The following IGFN1 variants were observed in gnomAD, a reference collection of about 807,000 sequenced individuals.
The protein encoded by IGFN1 is immunoglobulin like and fibronectin type III domain containing 1.
A neutral mutation model predicts 289.5 loss-of-function variants in IGFN1; 253 were observed. The ratio of observed to expected loss-of-function variants is 0.87; its 90% CI spans 0.79 to 0.97. The LOEUF (loss-of-function observed/expected upper bound fraction) is 0.97. Ranked by LOEUF, IGFN1 falls within the 50% of genes least tolerant of loss-of-function variation. The pLI, the probability that IGFN1 is intolerant of heterozygous loss-of-function variation, is 0.00. For missense variants in IGFN1, 4,470 were observed against 4,686.1 expected, an observed-to-expected ratio of 0.95 and a Z score of 1.35; for synonymous variants, 1,706 against 1,788.5, an observed-to-expected ratio of 0.95 and a Z score of 1.16.
At chr1:201,221,046 G>A (rs2102365550) in intron 18 of IGFN1, among the ~76,000 whole-genome samples, 1 of 152,330 alleles carries the variant, frequency 6.6e-6, no homozygotes, top group South Asian at 2.1e-4. Context: ...AGAAGGCAGA[G>A]TCGTGACTCT....
intron 19 of IGFN1, 77 bp downstream of exon 19, chr1:201,221,823 C>T (rs1445045446): frequency 1.2e-5 from 15 of 1,285,550 alleles, no homozygotes; most frequent in South Asian, 4.4e-5. Flanking sequence ...AGCCGCAATG[C>T]ACTTACTAAG....
At chr1:201,216,074 C>T (rs1206198641) in intron 15 of IGFN1, 3 of 708,256 alleles carry the variant, frequency 4.2e-6, no homozygotes, top group East Asian at 2.7e-5. Context: ...CTTCTCTGAC[C>T]CCAATACACT....
At chr1:201,214,717 G>C (rs1021692513) in intron 13 of IGFN1, among the ~76,000 whole-genome samples, 1 of 152,200 alleles carries the variant, frequency 6.6e-6, no homozygotes, top group Admixed American at 6.5e-5. Context: ...CTCAGTATCA[G>C]CTAAGTCTGG....
At position 201,195,883 on chromosome 1, in the gene IGFN1, C is replaced by A. The variant is rs896855424; in HGVS notation, c.172C>A (p.Pro58Thr). 29 of 1,551,592 alleles carry A rather than the reference C, an allele frequency of 1.9e-5. No individual in the cohort carries two copies. Among genetic ancestry groups the A allele is most frequent in the Non-Finnish European group, 2.4e-5 (27 of 1,146,986 alleles). ...FRAVVCGEPR[P>T]EVRWQNSKGD... ...GGCTGTGGTCTGTGGGGAGCCCAGG[C>A]CCGAGGTGCGTTGGCAGAACTCCAA... The change falls in exon 4 of 24, where the codon CCC becomes ACC. Residue 58 changes from proline to threonine, a missense_variant. By Grantham distance (38) the Pro-to-Thr change is conservative. Around this residue, in one of 8 missense-constraint regions of IGFN1, gnomAD observed 2,011 missense variants for 1,953.4 expected, o/e 1.03. Coordinates refer to ENST00000335211, the MANE Select transcript of IGFN1 (RefSeq NM_001164586.2).
intron 10 of IGFN1, among the ~76,000 whole-genome samples, chr1:201,204,215 A>C (rs1667295282): frequency 6.6e-6 from 1 of 152,216 alleles, no homozygotes; most frequent in Non-Finnish European, 1.5e-5. Flanking sequence ...GATCCAGACT[A>C]ATTGCACAGC....
At chr1:201,224,565 C>T (rs1653955487) in intron 20 of IGFN1, 114 bp from the exon 21 acceptor site, 4 of 793,130 alleles carry the variant, frequency 5.0e-6, no homozygotes, top group Admixed American at 2.8e-5. Context: ...GGTCGACTTT[C>T]TCCTTGTAGA....
At chr1:201,193,643 G>T (rs1039008740) in intron 2 of IGFN1, among the ~76,000 whole-genome samples, 9 of 152,132 alleles carry the variant, frequency 5.9e-5, no homozygotes, top group Admixed American at 2.0e-4. Flanking sequence ...GTAAAGGTGG[G>T]GTTTCACCAT....
At chr1:201,192,339 T>C (rs960512689) in intron 1 of IGFN1, among the ~76,000 whole-genome samples, 26 of 152,222 alleles carry the variant, frequency 1.7e-4, no homozygotes, top group African/African-American at 5.8e-4. Flanking sequence ...CGCTTGGCCA[T>C]GGGCCAATCG....
chr1:201,209,341 G>C lies in IGFN1; in HGVS notation c.4448G>C (p.Arg1483Thr). The C allele has an allele frequency of 6.7e-7, 1 of 1,487,028 alleles. No homozygotes were observed. The highest frequency in any genetic ancestry group is 1.4e-5 in the African/African-American group (1 of 71,062). The allele number at this position is 1,487,028 out of a possible 1,614,324, so 92.1% of individuals were successfully genotyped here. ...AAGGCAGGTTACAGGGGTGGTTTAA[G>C]GGGTTCTGGGGAAATGGGGTTAATT... ...GSKAGYRGGL[R>T]GSGEMGLIEA... is the part of the protein sequence containing the mutation. The change falls in exon 12 of 24, where the codon AGG becomes ACG. Residue 1483 changes from arginine to threonine, a missense_variant. By Grantham distance (71) the Arg-to-Thr change is moderately conservative (BLOSUM62 -1). This residue lies in a region of IGFN1 where 2,011 missense variants were observed against 1,953.4 expected (regional missense o/e 1.03). Transcript: ENST00000335211.
intron 5 of IGFN1, 125 bp downstream of exon 5, chr1:201,197,442 T>G: frequency 3.0e-6 from 2 of 663,214 alleles, no homozygotes; most frequent in Non-Finnish European, 2.7e-6. Flanking sequence ...CTGCTGCCGC[T>G]GCTGCAGCCC....
At chr1:201,214,452 C>A in intron 13 of IGFN1, 151 bp downstream of exon 13, 1 of 782,772 alleles carries the variant, frequency 1.3e-6, no homozygotes, top group Non-Finnish European at 2.0e-6. Flanking sequence ...TAGCCAATAA[C>A]TTGGTGTGTT....
At position 201,207,710 on chromosome 1, in the gene IGFN1, A is replaced by C; in HGVS notation, c.2817A>C (p.Thr939=). ...SSRVKGPRGE[T]GYKDGLEGPG... The stretch of plus-strand genomic sequence containing the variant: ...GAGTAAAAGGACCCAGAGGTGAGAC[A>C]GGCTATAAGGATGGCTTGGAAGGTC... The change falls in exon 12 of 24, where the codon ACA becomes ACC. Residue 939 remains threonine, a synonymous_variant. Transcript: ENST00000335211. The C allele has an allele frequency of 6.5e-7, 1 of 1,537,124 alleles. No individual in the cohort carries two copies. The highest frequency in any genetic ancestry group is 2.4e-5 in the East Asian group (1 of 40,914).
chr1:201,200,337 G>A lies in IGFN1; in HGVS notation c.559G>A (p.Gly187Ser), dbSNP rs1667097155. The change falls in exon 8 of 24, where the codon GGC becomes AGC. Residue 187 changes from glycine (G) to serine (S), a missense_variant. By Grantham distance (56) the Gly-to-Ser change is moderately conservative (BLOSUM62 0). Around this residue, in one of 8 missense-constraint regions of IGFN1, gnomAD observed 2,011 missense variants for 1,953.4 expected, o/e 1.03. Transcript: ENST00000335211. ...CTACGAGAAGATCTGCTTGAAGTAT[G>A]GCATCGTCGACTACCGTGGCATGTT... The part of the protein sequence containing the change: ...KDYEKICLKY[G>S]IVDYRGMLRR... 3 of 1,551,624 alleles carry A rather than the reference G, an allele frequency of 1.9e-6. No individual in the cohort carries two copies. The highest frequency in any genetic ancestry group is 1.4e-5 in the African/African-American group (1 of 73,042).
chr1:201,215,132 C>T lies in IGFN1; in HGVS notation c.8973C>T (p.Ser2991=), dbSNP rs745578512. ...RYTFVAGDQQ[S]EATLTVQDSP... ...CCTTTGTAGCTGGTGACCAGCAGAGCGAGGCCACCCTGACCGTCCAGGGTA... is the reference window on the plus strand; with the variant it reads ...CCTTTGTAGCTGGTGACCAGCAGAGTGAGGCCACCCTGACCGTCCAGGGTA... Residue 2991 remains serine, a synonymous_variant, in exon 14 of 24, where the codon AGC becomes AGT. Transcript: ENST00000335211. 6.2e-6 allele frequency: 10 copies of T among 1,613,356 alleles called. No homozygotes were observed. In the East Asian group the frequency reaches 6.7e-5, roughly 11 times the overall value.
At position 201,211,214 on chromosome 1, in the gene IGFN1, G is replaced by A. The variant is rs561230679; in HGVS notation, c.6321G>A (p.Arg2107=). 2.0e-6 allele frequency: 3 copies of A among 1,533,480 alleles called. No individual in the cohort carries two copies. The highest frequency in any genetic ancestry group is 2.5e-5 in the East Asian group (1 of 40,658). The allele number at this position is 1,533,480 out of a possible 1,614,324, so 95.0% of individuals were successfully genotyped here. A position where few individuals can be genotyped will look rare whatever the true frequency, so the allele number is the denominator to read the frequency against. The change falls in exon 12 of 24, where the codon AGG becomes AGA. Residue 2107 remains arginine (R), a synonymous_variant. Transcript: ENST00000335211. The stretch of plus-strand genomic sequence containing the variant: ...AGTCAATGGATGAGGCAGGTTATAG[G>A]AAGGATTTGGGGGCTCCTGAGGGAA... The part of the protein sequence containing the change: ...EMESMDEAGY[R]KDLGAPEGIG...
At position 201,209,875 on chromosome 1, in the gene IGFN1, G is replaced by A. The variant is rs1243029177; in HGVS notation, c.4982G>A (p.Gly1661Glu). The A allele has an allele frequency of 6.8e-7, 1 of 1,480,460 alleles. No individual in the cohort carries two copies. Among genetic ancestry groups the A allele is most frequent in the Non-Finnish European group, 9.0e-7 (1 of 1,105,916 alleles). The allele number at this position is 1,480,460 out of a possible 1,614,324, so 91.7% of individuals were successfully genotyped here. Residue 1661 changes from glycine to glutamate, a missense_variant, in exon 12 of 24, where the codon GGG becomes GAG. Gly to Glu is a moderately conservative substitution (Grantham distance 98). This residue lies in a region of IGFN1 where 49 missense variants were observed against 62.6 expected (regional missense o/e 0.78). Transcript: ENST00000335211. ...GSKAGFRDGLGSSGEMGSMDE... is the reference protein window; with the variant it reads ...GSKAGFRDGLESSGEMGSMDE... ...AAGGCAGGTTTTAGGGATGGTTTAGGGAGTTCTGGGGAAATGGGGTCAATG... is the reference window on the plus strand; with the variant it reads ...AAGGCAGGTTTTAGGGATGGTTTAGAGAGTTCTGGGGAAATGGGGTCAATG...
At chr1:201,217,181 G>A (rs774166261) in intron 16 of IGFN1, 106 bp from the exon 17 acceptor site, 11 of 957,442 alleles carry the variant, frequency 1.1e-5, no homozygotes, top group East Asian at 2.4e-5. Flanking sequence ...AGGACAGGGC[G>A]GAGTGTGGCC....
At chr1:201,215,925 G>T (rs770178460) in intron 15 of IGFN1, 87 bp downstream of exon 15, 4 of 1,281,782 alleles carry the variant, frequency 3.1e-6, no homozygotes, top group Non-Finnish European at 3.3e-6. Flanking sequence ...CCTGGGATAT[G>T]ATCTCTGCTG....
At chr1:201,203,043 A>G (rs534775036) in intron 9 of IGFN1, among the ~76,000 whole-genome samples, 1 of 152,278 alleles carries the variant, frequency 6.6e-6, no homozygotes, top group South Asian at 2.1e-4. Flanking sequence ...TGCATGAGCC[A>G]TCACACCCGG....
Sources: allele counts gnomAD v4.1 joint callset (sites outside exome capture counted in the v4.1 genomes callset), GRCh38; gene constraint gnomAD v4.1.1; regional missense constraint gnomAD v4.1.1; transcripts MANE v1.5; gene names NCBI Gene and HGNC (gene_info 2026-07-23, HGNC 2026-07-21).